The following SIRPA variants were observed in gnomAD, a reference collection of about 807,000 sequenced individuals.
SIRPA encodes the protein tyrosine-protein phosphatase non-receptor type substrate 1.
In SIRPA, 9 loss-of-function variants were observed where a neutral mutation model predicts 50.3. That is an observed-to-expected ratio of 0.18 (90% CI 0.11 to 0.31). The LOEUF (loss-of-function observed/expected upper bound fraction) is 0.31. SIRPA is among the 10% of genes least tolerant of loss of function. The pLI is 1.00. For synonymous variants in SIRPA, 265 were observed against 284.1 expected (o/e 0.93, Z 0.68); for missense variants, 474 against 661.6 (o/e 0.72, Z 3.11).
Position 1,934,902 on chromosome 20 carries a change from G to A in SIRPA, c.1266+148G>A. On this transcript the variant is annotated intron_variant, in intron 7 of 7. Coordinates refer to ENST00000358771, the MANE Select transcript of SIRPA (RefSeq NM_001040023.2). The surrounding 1 kb of genome is among the most constrained non-coding windows in gnomAD (Gnocchi z 4.6). ...ACACTCCTAGCTTTCCCCATGTCCT[G>A]TGCATATTCCTTCTCTCTACTGCAG... The A allele has an allele frequency of 1.2e-6, 1 of 841,144 alleles. No individual in the cohort carries two copies. 52.1% of individuals were successfully genotyped at this position (841,144 alleles called of 1,614,324 possible).
In SIRPA at chr20:1,934,702, C is replaced by G. The variant is rs1177742448; in HGVS notation, c.1227-13C>G. On this transcript the variant is annotated splice_polypyrimidine_tract_variant and intron_variant, in intron 6 of 7. Coordinates refer to ENST00000358771, the MANE Select transcript of SIRPA (RefSeq NM_001040023.2). This position sits in a 1 kb window ranked among gnomAD's most constrained non-coding sequence, Gnocchi z 4.6. ...TGAGGGTATTTTTATCTGTGTGTCT[C>G]TTTCCTTTTTAGGTTGCATGAGCCC... 3.7e-6 allele frequency: 6 copies of G among 1,613,912 alleles called. No homozygotes were observed. The highest frequency in any genetic ancestry group is 4.2e-6 in the Non-Finnish European group (5 of 1,179,888).
rs17853847 is a variant in SIRPA, at chr20:1,915,196, T to C, written c.177T>C (p.Ser59=). ...ETATLRCTAT[S]LIPVGPIQWF... is the part of the protein sequence containing the mutation. ...CCACTCTGCGCTGCACTGCGACCTCTCTGATCCCTGTGGGGCCCATCCAGT... is the reference window on the plus strand; with the variant it reads ...CCACTCTGCGCTGCACTGCGACCTCCCTGATCCCTGTGGGGCCCATCCAGT... The change falls in exon 2 of 8, where the codon TCT becomes TCC. Residue 59 remains serine, a synonymous_variant. Coordinates refer to ENST00000358771, the MANE Select transcript of SIRPA (RefSeq NM_001040023.2). 299,447 of 1,224,930 alleles carry C rather than the reference T, an allele frequency of 0.24. 80,336 individuals are homozygous for C. Among genetic ancestry groups the C allele is most frequent in the East Asian group, 0.62 (24,128 of 38,662 alleles). 75.9% of individuals were successfully genotyped at this position (1,224,930 alleles called of 1,614,324 possible).
In SIRPA at chr20:1,924,925, C is replaced by A; in HGVS notation, c.1201+48C>A. 6.8e-7 allele frequency: 1 copy of A among 1,476,702 alleles called. No homozygotes were observed. The highest frequency in any genetic ancestry group is 2.3e-5 in the East Asian group (1 of 44,070). The allele number at this position is 1,476,702 out of a possible 1,614,324, so 91.5% of individuals were successfully genotyped here. A position where few individuals can be genotyped will look rare whatever the true frequency, so the allele number is the denominator to read the frequency against. ...CCCTAAGGGTTTGTCCCTGGACTGT[C>A]CTCGGAGGGAGACGCCATTAGGTGC... On this transcript the variant is annotated intron_variant, in intron 5 of 7. Coordinates refer to ENST00000358771, the MANE Select transcript of SIRPA (RefSeq NM_001040023.2). The surrounding 1 kb of genome is among the most constrained non-coding windows in gnomAD (Gnocchi z 4.5).
upstream of SIRPA, chr20:1,894,945 G>T (rs940385586): frequency 1.4e-5 from 2 of 146,910 alleles, no homozygotes; most frequent in African/African-American, 2.5e-5. This position sits in a 1 kb window ranked among gnomAD's most constrained non-coding sequence, Gnocchi z 4.0. Context: ...CGCCCGCGCC[G>T]TGTGGAGCCC....
At chr20:1,894,931 C>G (rs1392576747), upstream of SIRPA, 1 of 146,744 alleles carries the variant, frequency 6.8e-6, no homozygotes, top group African/African-American at 2.5e-5. The surrounding 1 kb of genome is among the most constrained non-coding windows in gnomAD (Gnocchi z 4.0). Context: ...GGAGCGAGCC[C>G]AGCCGCCCGC....
chr20:1,926,087 C>T (rs935356474), intron 5 of SIRPA, among the ~76,000 whole-genome samples: 1 of 152,242 alleles, frequency 6.6e-6, no homozygotes, highest in African/African-American at 2.4e-5. Flanking sequence ...ACTAATCACG[C>T]ATCCCTTCAG....
In SIRPA at chr20:1,906,445, A is replaced by G. The variant is rs118175808; in HGVS notation, c.80-8654A>G. ...AGCCAGGGACATTGAGGTGGGTAGT[A>G]TTTTAGACAGAATGGCCAAGGAAGG... On this transcript the variant is annotated intron_variant, in intron 1 of 7. Transcript: ENST00000358771. 5.3e-3 allele frequency among the ~76,000 whole-genome samples: 807 copies of G among 152,306 alleles called. 2 individuals are homozygous for G. The highest frequency in any genetic ancestry group is 7.6e-3 in the Non-Finnish European group (520 of 68,018).
At chr20:1,896,972 G>A (rs576662036) in intron 1 of SIRPA, among the ~76,000 whole-genome samples, 2 of 152,312 alleles carry the variant, frequency 1.3e-5, no homozygotes, top group South Asian at 2.1e-4. Flanking sequence ...AAATGCACAA[G>A]TGTCACTCAC....
At chr20:1,906,901 T>G (rs1390826696) in intron 1 of SIRPA, among the ~76,000 whole-genome samples, 2 of 152,150 alleles carry the variant, frequency 1.3e-5, no homozygotes, top group African/African-American at 4.8e-5. Context: ...GTCAAGGAAA[T>G]GTCTCATTCT....
At chr20:1,925,473 G>A (rs1985926061) in intron 5 of SIRPA, among the ~76,000 whole-genome samples, 1 of 152,222 alleles carries the variant, frequency 6.6e-6, no homozygotes. Flanking sequence ...AAGGTGCATA[G>A]CCTTTGACTG....
At chr20:1,895,391 T>C, upstream of SIRPA, 2 of 1,069,096 alleles carry the variant, frequency 1.9e-6, no homozygotes, top group Non-Finnish European at 2.5e-6. Flanking sequence ...TCCAGCCTGC[T>C]CCCGCCCGAG....
At chr20:1,921,913 C>T (rs1483733988) in intron 3 of SIRPA, among the ~76,000 whole-genome samples, 1 of 152,126 alleles carries the variant, frequency 6.6e-6, no homozygotes, top group Non-Finnish European at 1.5e-5. Context: ...CCACACCACC[C>T]ACCAGGTGCC....
chr20:1,895,004 C>G (rs1041413611), upstream of SIRPA, among the ~76,000 whole-genome samples: 2 of 147,994 alleles, frequency 1.4e-5, no homozygotes, highest in Non-Finnish European at 3.0e-5. Context: ...CGGCCGGGCT[C>G]GGCCGTGCTG....
intron 6 of SIRPA, among the ~76,000 whole-genome samples, chr20:1,930,842 G>A (rs747502011): frequency 6.6e-6 from 1 of 152,076 alleles, no homozygotes; most frequent in Non-Finnish European, 1.5e-5. Context: ...CACCTGCCTC[G>A]GCCTCCCAAA....
intron 2 of SIRPA, among the ~76,000 whole-genome samples, chr20:1,917,271 C>T (rs544657021): frequency 6.4e-4 from 97 of 152,122 alleles, no homozygotes; most frequent in Non-Finnish European, 1.3e-3. Flanking sequence ...CTCTGAGGCT[C>T]AGAGAGGAGA....
At chr20:1,895,141 G>A (rs184251612), upstream of SIRPA, among the ~76,000 whole-genome samples, 38 of 151,430 alleles carry the variant, frequency 2.5e-4, no homozygotes, top group Middle Eastern at 3.4e-3. Flanking sequence ...CTGGCTCTCT[G>A]CCTGGCTCCC....
intron 1 of SIRPA, among the ~76,000 whole-genome samples, chr20:1,904,115 GT>G (rs1158937585): frequency 1.3e-5 from 2 of 152,094 alleles, no homozygotes; most frequent in African/African-American, 4.8e-5. Context: ...AACTACCACA[GT>G]CCCCCCCCTG....
At position 1,928,091 on chromosome 20, in the gene SIRPA, T is replaced by C. The variant is rs1028984004; in HGVS notation, c.1226+192T>C. On this transcript the variant is annotated intron_variant, in intron 6 of 7. Transcript: ENST00000358771. The surrounding 1 kb of genome is among the most constrained non-coding windows in gnomAD (Gnocchi z 4.9). Reference sequence around the variant, plus strand: ...TTATTGTCCCAAATGAGGGGTTTTTTTGGTGCACAGAGGTGCTAATTTCTT... The same window carrying C: ...TTATTGTCCCAAATGAGGGGTTTTTCTGGTGCACAGAGGTGCTAATTTCTT... Among the ~76,000 whole-genome samples the C allele has an allele frequency of 1.3e-5, 2 of 152,168 alleles. No homozygotes were observed. The highest frequency in any genetic ancestry group is 2.4e-5 in the African/African-American group (1 of 41,444).
intron 1 of SIRPA, among the ~76,000 whole-genome samples, chr20:1,906,782 G>A (rs574806634): frequency 3.3e-5 from 5 of 152,280 alleles, no homozygotes; most frequent in African/African-American, 9.6e-5. Flanking sequence ...GGAGGTCAGC[G>A]TGGAGGTTCA....
Sources: allele counts gnomAD v4.1 joint callset (sites outside exome capture counted in the v4.1 genomes callset), GRCh38; gene constraint gnomAD v4.1.1; non-coding constraint Gnocchi (gnomAD v3.1); transcripts MANE v1.5; gene names NCBI Gene and HGNC (gene_info 2026-07-23, HGNC 2026-07-21).